Variants in PCM1 observed in about 807,000 individuals in gnomAD.
PCM1 encodes the protein pericentriolar material 1 protein.
Under a neutral mutation model 241.9 loss-of-function variants are expected in PCM1, and 157 were observed. That is an observed-to-expected ratio of 0.65 (90% confidence interval 0.57 to 0.74). The LOEUF (loss-of-function observed/expected upper bound fraction) is 0.74. Ranked by LOEUF, PCM1 falls within the 30% of genes least tolerant of loss-of-function variation. PCM1 has a pLI of 0.00. For missense variants in PCM1, 3,478 were observed against 2,360.1 expected, an observed-to-expected ratio of 1.47 and a Z score of -9.81; for synonymous variants, 1,085 against 784.9, an observed-to-expected ratio of 1.38 and a Z score of -6.39.
chr8:17,935,391 T>A (rs933159321), intron 2 of PCM1, among the ~76,000 whole-genome samples, 198 bp from the exon 3 acceptor site: 6 of 152,210 alleles, frequency 3.9e-5, no homozygotes, highest in African/African-American at 1.4e-4. Context: ...TCTCTGTCAT[T>A]CCAACTACCT....
chr8:17,966,777 G>GGACA (rs2075036514), intron 20 of PCM1, among the ~76,000 whole-genome samples: 1 of 152,106 alleles, frequency 6.6e-6, no homozygotes, highest in Non-Finnish European at 1.5e-5. Flanking sequence ...ACCGACTGTC[G>GGACA]GACAGAAGTA....
At chr8:17,953,544 A>G (rs1002705454) in intron 9 of PCM1, among the ~76,000 whole-genome samples, 1 of 152,184 alleles carries the variant, frequency 6.6e-6, no homozygotes, top group African/African-American at 2.4e-5. Context: ...TCCAGTTAGT[A>G]CTTTGATTTA....
intron 26 of PCM1, among the ~76,000 whole-genome samples, chr8:17,988,394 T>C (rs2083329893): frequency 1.3e-5 from 2 of 151,838 alleles, no homozygotes; most frequent in South Asian, 2.1e-4. Context: ...CATCACACTA[T>C]ACACAAAATT....
At chr8:17,927,536 A>C (rs1181490106) in intron 2 of PCM1, 1 of 152,092 alleles carries the variant, frequency 6.6e-6, no homozygotes, top group Non-Finnish European at 1.5e-5. Flanking sequence ...ATGTCTCTAT[A>C]GTTAGAATCC....
At chr8:17,923,753 CG>C (rs1407474520) in intron 1 of PCM1, among the ~76,000 whole-genome samples, 2 of 151,966 alleles carry the variant, frequency 1.3e-5, no homozygotes, top group African/African-American at 2.4e-5. Flanking sequence ...GCCGATGGGC[CG>C]GGGGAGGCGT....
chr8:18,018,905 TATATATAA>T lies in PCM1; in HGVS notation c.5841+4074_5841+4081del, dbSNP rs1564429326. Among the ~76,000 whole-genome samples the T allele has an allele frequency of 2.3e-3, 275 of 121,270 alleles. 8 individuals carry two copies. The highest frequency in any genetic ancestry group is 0.016 in the South Asian group (65 of 3,992). The allele number at this position is 121,270 out of a possible 152,430, so 79.6% of individuals were successfully genotyped here. ...ACACACACATATACATACACATATA[TATATATAA>T]ATATATAACATATAATATATAACAA... On this transcript the variant is annotated intron_variant, in intron 36 of 38. Transcript: ENST00000325083.
chr8:17,962,237 A>G (rs1233947542), intron 16 of PCM1, 63 bp downstream of exon 16: 4 of 1,395,536 alleles, frequency 2.9e-6, no homozygotes, highest in South Asian at 1.3e-5. Flanking sequence ...TTTTTCTTCA[A>G]TAAGGCACAT....
intron 6 of PCM1, among the ~76,000 whole-genome samples, chr8:17,941,819 G>A (rs924825923): frequency 6.6e-6 from 1 of 151,970 alleles, no homozygotes; most frequent in Non-Finnish European, 1.5e-5. Flanking sequence ...AGCCAAAAAC[G>A]TGGATTTCCC....
chr8:18,019,495 T>C (rs2093588949), intron 36 of PCM1, among the ~76,000 whole-genome samples: 1 of 152,162 alleles, frequency 6.6e-6, no homozygotes, highest in Admixed American at 6.5e-5. Flanking sequence ...CTCACCACAA[T>C]GCAGAATCAG....
At position 17,985,254 on chromosome 8, in the gene PCM1, A is replaced by G. The variant is rs557097992; in HGVS notation, c.4109-193A>G. 7.9e-5 allele frequency among the ~76,000 whole-genome samples: 12 copies of G among 151,960 alleles called. No homozygotes were observed. The East Asian group carries it at 1.2e-3, about 15-fold the overall frequency. On this transcript the variant is annotated intron_variant, in intron 24 of 38. Coordinates refer to ENST00000325083, the MANE Select transcript of PCM1 (RefSeq NM_006197.4). ...AAGTTTCATTTTTAGTATAAAATGC[A>G]TATCTTGATATTTTAAGATTTTATT... is the stretch of plus-strand genomic sequence containing the variant.
In PCM1 at chr8:18,011,768, G is replaced by C. The variant is rs1242682919; in HGVS notation, c.5452G>C (p.Val1818Leu). 6.2e-7 allele frequency: 1 copy of C among 1,613,808 alleles called. No individual in the cohort carries two copies. Among genetic ancestry groups the C allele is most frequent in the Admixed American group, 1.7e-5 (1 of 59,980 alleles). Residue 1818 changes from valine (V) to leucine (L), a missense_variant, in exon 34 of 39, where the codon GTC becomes CTC. Coordinates refer to ENST00000325083, the MANE Select transcript of PCM1 (RefSeq NM_006197.4). ...AGAATTTGAAGAAGGCCCTGTGGAT[G>C]TCCAGACTTCCCTCCAGGCTAACAC... ...MEEFEEGPVD[V>L]QTSLQANTEA...
intron 34 of PCM1, among the ~76,000 whole-genome samples, 196 bp downstream of exon 34, chr8:18,012,023 C>G (rs986161788): frequency 7.2e-5 from 11 of 152,192 alleles, no homozygotes; most frequent in Admixed American, 6.5e-5. Context: ...CAGGGTCTTG[C>G]TCAGTCTTCT....
intron 36 of PCM1, 94 bp downstream of exon 36, chr8:18,014,934 T>C: frequency 8.8e-7 from 1 of 1,142,816 alleles, no homozygotes. Flanking sequence ...GTAAACCATT[T>C]TGTGTTTAGG....
At chr8:17,940,075 A>C in intron 6 of PCM1, 1 of 1,580,760 alleles carries the variant, frequency 6.3e-7, no homozygotes. Context: ...TGTTCGGACT[A>C]TAGATTCAGC....
At chr8:17,942,455 C>CA (rs1054168090) in intron 6 of PCM1, among the ~76,000 whole-genome samples, 41 of 145,900 alleles carry the variant, frequency 2.8e-4, no homozygotes, top group African/African-American at 7.5e-4. Flanking sequence ...GACTGCGTCT[C>CA]AAAAAAAAAA....
At chr8:17,956,546 T>A in intron 10 of PCM1, 58 bp from the exon 11 acceptor site, 1 of 1,010,934 alleles carries the variant, frequency 9.9e-7, no homozygotes, top group East Asian at 2.6e-5. Flanking sequence ...GAAAATAATG[T>A]CTGTATTATT....
chr8:17,984,126 A>G (rs2081850165), intron 24 of PCM1, among the ~76,000 whole-genome samples: 1 of 152,140 alleles, frequency 6.6e-6, no homozygotes, highest in Non-Finnish European at 1.5e-5. Context: ...TAAATGGCAT[A>G]TTCATTATTT....
At chr8:17,967,504 C>T (rs926614629) in intron 21 of PCM1, among the ~76,000 whole-genome samples, 1 of 151,156 alleles carries the variant, frequency 6.6e-6, no homozygotes, top group African/African-American at 2.4e-5. Context: ...GATGGGGTTT[C>T]TCCATGTTGG....
rs540219060 is a variant in PCM1 at position 18,008,853 on chromosome 8, A to C, written c.4963-694A>C. ...AACAAGAACAGTGAGGAAAAGAGTT[A>C]ATGTGTTGTCTAAGAAGAAGAAATC... On this transcript the variant is annotated intron_variant, in intron 30 of 38. Transcript: ENST00000325083. 3.3e-5 allele frequency among the ~76,000 whole-genome samples: 5 copies of C among 152,266 alleles called. No homozygotes were observed. In the East Asian group the frequency reaches 9.7e-4, roughly 29 times the overall value.
Sources: allele counts gnomAD v4.1 joint callset (sites outside exome capture counted in the v4.1 genomes callset), GRCh38; gene constraint gnomAD v4.1.1; transcripts MANE v1.5; gene names NCBI Gene and HGNC (gene_info 2026-07-23, HGNC 2026-07-21).